CEP295: variants seen among roughly 807,000 people sequenced by gnomAD.
CEP295 encodes the protein centrosomal protein of 295 kDa.
In CEP295, 190 loss-of-function variants were observed where a neutral mutation model predicts 291.6. That is an observed-to-expected ratio of 0.65 (90% CI 0.58 to 0.73). The LOEUF (loss-of-function observed/expected upper bound fraction) is 0.73, where lower values mean the gene tolerates loss of function less well. Among genes scored for constraint, CEP295 ranks in the 30% least tolerant of loss-of-function variants. The pLI is 0.00. For missense variants in CEP295, 2,863 were observed against 2,949.4 expected, an observed-to-expected ratio of 0.97 and a Z score of 0.68; for synonymous variants, 993 against 1,038.8, an observed-to-expected ratio of 0.96 and a Z score of 0.85.
At chr11:93,671,334 T>C (rs1950437851) in intron 5 of CEP295, among the ~76,000 whole-genome samples, 1 of 151,908 alleles carries the variant, frequency 6.6e-6, no homozygotes, top group Non-Finnish European at 1.5e-5. Context: ...CTTGTGGGGG[T>C]TTTTTACTCA....
At chr11:93,683,908 C>G (rs1376601978) in intron 8 of CEP295, 56 bp from the exon 9 acceptor site, 3 of 1,509,666 alleles carry the variant, frequency 2.0e-6, no homozygotes, top group Non-Finnish European at 1.8e-6. Flanking sequence ...TTTTTGTGAT[C>G]CAGTTATTTT....
chr11:93,699,222 C>T lies in CEP295; in HGVS notation c.4310C>T (p.Thr1437Ile). The T allele has an allele frequency of 6.4e-7, 1 of 1,551,886 alleles. No individual in the cohort carries two copies. The highest frequency in any genetic ancestry group is 8.7e-7 in the Non-Finnish European group (1 of 1,147,016). ...TCCTCAGGTCACTCAGAGATACCAA[C>T]ATTGCCTGATGGGCTGTTGGGTTTA... ...IVSSGHSEIPTLPDGLLGLSH... is the reference protein window; with the variant it reads ...IVSSGHSEIPILPDGLLGLSH... The change falls in exon 15 of 30, where the codon ACA (threonine) becomes ATA (isoleucine). Residue 1437 changes from threonine (T) to isoleucine (I), a missense_variant. By Grantham distance (89) the Thr-to-Ile change is moderately conservative (BLOSUM62 -1). Around this residue, in one of 3 missense-constraint regions of CEP295, gnomAD observed 2,295 missense variants for 2,335.7 expected, o/e 0.98. Coordinates refer to ENST00000325212, the MANE Select transcript of CEP295 (RefSeq NM_033395.2).
Position 93,724,369 on chromosome 11 carries a change from T to C in CEP295, c.6312T>C (p.Phe2104=). Residue 2104 remains phenylalanine, a synonymous_variant, in exon 22 of 30, where the codon TTT becomes TTC. Transcript: ENST00000325212. Reference sequence around the variant, plus strand: ...GGATTTCTCCAGACAACAGAGACTTTTACCAGGTATATTAAAGTAGATGTC... The same window carrying C: ...GGATTTCTCCAGACAACAGAGACTTCTACCAGGTATATTAAAGTAGATGTC... ...SSGISPDNRD[F]YQRSDSSSES... The C allele has an allele frequency of 6.5e-7, 1 of 1,549,012 alleles. No homozygotes were observed. The highest frequency in any genetic ancestry group is 8.7e-7 in the Non-Finnish European group (1 of 1,145,084).
At chr11:93,718,137 C>T (rs918275357) in intron 18 of CEP295, among the ~76,000 whole-genome samples, 1 of 152,176 alleles carries the variant, frequency 6.6e-6, no homozygotes, top group South Asian at 2.1e-4. Context: ...TCTTGAACCC[C>T]TAGGCTTGAG....
In CEP295 at chr11:93,668,951, C is replaced by G; in HGVS notation, c.434+19C>G. On this transcript the variant is annotated intron_variant, in intron 4 of 29. Transcript: ENST00000325212. ...AAACCTGGTAAAGTAATAATTTTTA[C>G]TATAATCTCAACTGAAACTAACATG... The G allele has an allele frequency of 9.9e-7, 1 of 1,012,588 alleles. No individual in the cohort carries two copies. Among genetic ancestry groups the G allele is most frequent in the South Asian group, 1.5e-5 (1 of 65,372 alleles). The allele number at this position is 1,012,588 out of a possible 1,614,324, so 62.7% of individuals were successfully genotyped here. A position where few individuals can be genotyped will look rare whatever the true frequency, so the allele number is the denominator to read the frequency against.
chr11:93,695,798 G>A, intron 13 of CEP295, 164 bp downstream of exon 13: 2 of 695,130 alleles, frequency 2.9e-6, no homozygotes, highest in Non-Finnish European at 4.3e-6. Context: ...ATCACTTCAG[G>A]TCAGGAGTTC....
At chr11:93,680,543 G>A (rs1049024251) in intron 7 of CEP295, among the ~76,000 whole-genome samples, 4 of 152,248 alleles carry the variant, frequency 2.6e-5, no homozygotes, top group East Asian at 3.9e-4. Context: ...CTCATTTCCC[G>A]AGAAGGCTGA....
At chr11:93,689,876 T>G (rs1951430656) in intron 10 of CEP295, among the ~76,000 whole-genome samples, 1 of 152,180 alleles carries the variant, frequency 6.6e-6, no homozygotes, top group Non-Finnish European at 1.5e-5. Context: ...AGAGGTAAAT[T>G]TGGAATCTAG....
At chr11:93,671,027 C>T (rs1420962669) in intron 5 of CEP295, among the ~76,000 whole-genome samples, 1 of 152,076 alleles carries the variant, frequency 6.6e-6, no homozygotes, top group African/African-American at 2.4e-5. Flanking sequence ...GGATTATAGG[C>T]ATCTGCCACC....
intron 24 of CEP295, 62 bp from the exon 25 acceptor site, chr11:93,728,619 C>T (rs1937751577): frequency 2.1e-6 from 3 of 1,417,986 alleles, no homozygotes; most frequent in Non-Finnish European, 2.8e-6. Context: ...ATATACAAAA[C>T]GATTAGTTTA....
At position 93,697,129 on chromosome 11, in the gene CEP295, T is replaced by C. The variant is rs567430288; in HGVS notation, c.2217T>C (p.His739=). 1 of 1,551,860 alleles carries C rather than the reference T, an allele frequency of 6.4e-7. No individual in the cohort carries two copies. Among genetic ancestry groups the C allele is most frequent in the African/African-American group, 1.4e-5 (1 of 73,186 alleles). Residue 739 remains histidine (H), a synonymous_variant, in exon 15 of 30, where the codon CAT becomes CAC. Coordinates refer to ENST00000325212, the MANE Select transcript of CEP295 (RefSeq NM_033395.2). ...AGACACTTTCAAGGGCTTTGTCACA[T>C]GACAGGCAGCTAATATCACAGGATG... ...DSETLSRALS[H]DRQLISQDAR...
At chr11:93,721,589 T>A (rs757117932) in intron 19 of CEP295, 177 bp downstream of exon 19, 2 of 762,310 alleles carry the variant, frequency 2.6e-6, no homozygotes, top group Admixed American at 3.4e-5. Flanking sequence ...GTCTTTCCAG[T>A]CTACCTGATG....
chr11:93,713,686 A>G (rs1374799996), intron 18 of CEP295, among the ~76,000 whole-genome samples: 2 of 151,996 alleles, frequency 1.3e-5, no homozygotes, highest in Non-Finnish European at 2.9e-5. Flanking sequence ...TTCCTCTTGT[A>G]CTTGAATATT....
rs200136546 is a variant in CEP295, at chr11:93,729,979, AT to A, written c.7667+26del. 201,400 of 1,265,698 alleles carry A rather than the reference AT, an allele frequency of 0.16. 3 individuals are homozygous for A. The highest frequency in any genetic ancestry group is 0.17 in the Non-Finnish European group (163,347 of 940,580). 78.4% of individuals were successfully genotyped at this position (1,265,698 alleles called of 1,614,324 possible). On this transcript the variant is annotated intron_variant, in intron 28 of 29. Transcript: ENST00000325212. ...ACCAAAGGGGTCTAAGGTAGGGTTAATTTTTTTTTTTTTTTTAGTGATTCAC... is the reference window on the plus strand; with the variant it reads ...ACCAAAGGGGTCTAAGGTAGGGTTAATTTTTTTTTTTTTTTAGTGATTCAC...
intron 6 of CEP295, 100 bp downstream of exon 6, chr11:93,675,766 A>G: frequency 1.6e-6 from 1 of 613,070 alleles, no homozygotes; most frequent in Non-Finnish European, 2.7e-6. Flanking sequence ...CCAGATTTCA[A>G]AATTTGGACA....
In CEP295 at chr11:93,666,834, A is replaced by T; in HGVS notation, c.108+19A>T. On this transcript the variant is annotated intron_variant, in intron 2 of 29. Coordinates refer to ENST00000325212, the MANE Select transcript of CEP295 (RefSeq NM_033395.2). ...GCTACAGGTATGACTTATTTGTAAT[A>T]AAGTTTTAAATTCCTTTCTTCCTCA... 3 of 1,279,390 alleles carry T rather than the reference A, an allele frequency of 2.3e-6. No individual in the cohort carries two copies. Among genetic ancestry groups the T allele is most frequent in the Non-Finnish European group, 3.3e-6 (3 of 911,630 alleles). The allele number at this position is 1,279,390 out of a possible 1,614,324, so 79.3% of individuals were successfully genotyped here.
chr11:93,729,607 C>T lies in CEP295; in HGVS notation c.7400-7C>T, dbSNP rs1938104672. On this transcript the variant is annotated splice_polypyrimidine_tract_variant and splice_region_variant and intron_variant, in intron 26 of 29. Transcript: ENST00000325212. ...ATTTCTGTCATAAATTTCTTTTCCC[C>T]CAGCAGAAACCCCTCGCAGGCTTAC... 6.5e-7 allele frequency: 1 copy of T among 1,550,018 alleles called. No homozygotes were observed. Among genetic ancestry groups the T allele is most frequent in the Non-Finnish European group, 8.7e-7 (1 of 1,146,288 alleles).
chr11:93,682,721 A>G (rs1951035944), intron 7 of CEP295, among the ~76,000 whole-genome samples: 1 of 152,120 alleles, frequency 6.6e-6, no homozygotes, highest in Non-Finnish European at 1.5e-5. Context: ...ATTAACTAAT[A>G]TTTGACTTCT....
At chr11:93,709,578 A>G (rs1409816107) in intron 18 of CEP295, among the ~76,000 whole-genome samples, 2 of 152,060 alleles carry the variant, frequency 1.3e-5, no homozygotes, top group Non-Finnish European at 2.9e-5. Flanking sequence ...AGTTAGGTAG[A>G]TTCCTCCAGT....
Sources: allele counts gnomAD v4.1 joint callset (sites outside exome capture counted in the v4.1 genomes callset), GRCh38; gene constraint gnomAD v4.1.1; regional missense constraint gnomAD v4.1.1; transcripts MANE v1.5; gene names NCBI Gene and HGNC (gene_info 2026-07-23, HGNC 2026-07-21).